The following KCNJ16 variants were observed in gnomAD, a reference collection of about 807,000 sequenced individuals.
KCNJ16 encodes inward rectifier potassium channel 16.
Under a neutral mutation model 18.5 loss-of-function variants are expected in KCNJ16, and 15 were observed. The ratio of observed to expected loss-of-function variants is 0.81; its 90% CI spans 0.54 to 1.25. The LOEUF (loss-of-function observed/expected upper bound fraction) is 1.25. KCNJ16 is among the 50% of genes most tolerant of loss of function. The pLI is 0.00. For synonymous variants in KCNJ16, 174 were observed against 186.5 expected (o/e 0.93, Z 0.55); for missense variants, 523 against 525.7 (o/e 0.99, Z 0.05).
chr17:70,130,250 C>T (rs1211996793), intron 2 of KCNJ16, among the ~76,000 whole-genome samples: 1 of 152,102 alleles, frequency 6.6e-6, no homozygotes, highest in African/African-American at 2.4e-5. Context: ...CAGATAGAAA[C>T]CTCCAAAGCA....
chr17:70,111,086 TCTC>T (rs893706641), intron 2 of KCNJ16, among the ~76,000 whole-genome samples: 31 of 152,102 alleles, frequency 2.0e-4, no homozygotes, highest in Middle Eastern at 3.4e-3. Context: ...TAGGATATAA[TCTC>T]CTCAATTCTA....
rs185025888 is a variant in KCNJ16, at chr17:70,082,152, T to G, written c.-300+6762T>G. On this transcript the variant is annotated intron_variant, in intron 1 of 3. Coordinates refer to ENST00000392671, the MANE Select transcript of KCNJ16 (RefSeq NM_170741.4). ...GGAGGACACTGACAGAAAAAACAACTGTGCCTGGGAGATCAAGGGAAGCTT... is the reference window on the plus strand; with the variant it reads ...GGAGGACACTGACAGAAAAAACAACGGTGCCTGGGAGATCAAGGGAAGCTT... Among the ~76,000 whole-genome samples, 209 of 152,268 alleles carry G rather than the reference T, an allele frequency of 1.4e-3. 1 individual carries two copies. The highest frequency in any genetic ancestry group is 3.4e-3 in the Middle Eastern group (1 of 294).
chr17:70,116,668 AG>A (rs201751277), intron 2 of KCNJ16, among the ~76,000 whole-genome samples: 235 of 152,312 alleles, frequency 1.5e-3, no homozygotes, highest in African/African-American at 5.3e-3. Flanking sequence ...ACTTTTCAAA[AG>A]AAGACATACA....
In KCNJ16 at chr17:70,132,910, A is replaced by C; in HGVS notation, c.823A>C (p.Asn275His). ...TGACCGCAAAGCAGTAGCCAAAGAT[A>C]ACTTTGAGATTTTGGTGACATTTAT... ...ALDRKAVAKD[N>H]FEILVTFIYT... is the part of the protein sequence containing the mutation. The change falls in exon 4 of 4, where the codon AAC becomes CAC. Residue 275 changes from asparagine to histidine, a missense_variant. Physicochemically the swap from Asn to His is moderately conservative, Grantham distance 68. Transcript: ENST00000392671. 2 of 1,614,192 alleles carry C rather than the reference A, an allele frequency of 1.2e-6. No homozygotes were observed. The highest frequency in any genetic ancestry group is 1.1e-5 in the South Asian group (1 of 91,086).
intron 2 of KCNJ16, among the ~76,000 whole-genome samples, chr17:70,128,403 C>A (rs1168005966): frequency 1.3e-5 from 2 of 152,024 alleles, no homozygotes; most frequent in African/African-American, 4.8e-5. Flanking sequence ...GGTTACTGAC[C>A]CTTCTAACTT....
rs1164479923 is a variant in KCNJ16 at position 70,133,256 on chromosome 17, C to T, written c.1169C>T (p.Thr390Ile). ...AGCTGTGAAAACCCTGAGGAGACCA[C>T]CACTTCCGCCACACATGAATATAGG... Reference protein sequence around the residue: ...VSSCENPEETTTSATHEYRET... With the variant: ...VSSCENPEETITSATHEYRET... The change falls in exon 4 of 4, where the codon ACC (threonine) becomes ATC (isoleucine). Residue 390 changes from threonine to isoleucine, a missense_variant. Physicochemically the swap from Thr to Ile is moderately conservative, Grantham distance 89. Transcript: ENST00000392671. 1.9e-6 allele frequency: 3 copies of T among 1,614,010 alleles called. No homozygotes were observed. In the African/African-American group the frequency reaches 4.0e-5, roughly 22 times the overall value.
intron 2 of KCNJ16, among the ~76,000 whole-genome samples, chr17:70,114,962 TC>T (rs2073345426): frequency 6.6e-6 from 1 of 152,204 alleles, no homozygotes; most frequent in Non-Finnish European, 1.5e-5. Flanking sequence ...AAACACAGCT[TC>T]TTTTTATCCT....
chr17:70,135,041 G>C lies in KCNJ16; in HGVS notation c.*1697G>C, dbSNP rs529498481. 2.5e-5 allele frequency: 3 copies of C among 118,502 alleles called. No individual in the cohort carries two copies. The highest frequency in any genetic ancestry group is 1.1e-4 in the African/African-American group (3 of 27,394). The allele number at this position is 118,502 out of a possible 1,614,324, so 7.3% of individuals were successfully genotyped here. On this transcript the variant is annotated 3_prime_UTR_variant, in exon 4 of 4. Coordinates refer to ENST00000392671, the MANE Select transcript of KCNJ16 (RefSeq NM_170741.4). ...TTTTTTTTGACCTGGGAGTAATAAA[G>C]TTACTTTTTAAATGCACGTATGCAA...
chr17:70,094,261 G>C (rs1365565318), intron 1 of KCNJ16, among the ~76,000 whole-genome samples: 1 of 152,202 alleles, frequency 6.6e-6, no homozygotes, highest in Non-Finnish European at 1.5e-5. Context: ...TAACCTTCAA[G>C]AATTGTCTCC....
At chr17:70,081,928 G>T (rs761397375) in intron 1 of KCNJ16, among the ~76,000 whole-genome samples, 1 of 152,116 alleles carries the variant, frequency 6.6e-6, no homozygotes, top group Admixed American at 6.6e-5. Context: ...TTTTAGACAT[G>T]AAAATAATAG....
intron 1 of KCNJ16, among the ~76,000 whole-genome samples, chr17:70,084,826 CTAATAA>C (rs745941247): frequency 2.6e-5 from 4 of 151,952 alleles, no homozygotes; most frequent in Admixed American, 6.6e-5. Flanking sequence ...TCCTTGATCA[CTAATAA>C]TAATAATAAT....
At chr17:70,081,428 T>G (rs910600708) in intron 1 of KCNJ16, among the ~76,000 whole-genome samples, 2 of 152,136 alleles carry the variant, frequency 1.3e-5, no homozygotes, top group Non-Finnish European at 2.9e-5. Flanking sequence ...AGTTAAAAGC[T>G]AAAGAAACAT....
Position 70,133,910 on chromosome 17 carries a change from G to C in KCNJ16, c.*566G>C, listed in dbSNP as rs2074149970. On this transcript the variant is annotated 3_prime_UTR_variant, in exon 4 of 4. Transcript: ENST00000392671. Reference sequence around the variant, plus strand: ...GTTTCAGCGAGCATAGCGAGTGGCTGTAAGAAATTGTCCATGCCACCAATT... The same window carrying C: ...GTTTCAGCGAGCATAGCGAGTGGCTCTAAGAAATTGTCCATGCCACCAATT... The C allele has an allele frequency of 6.0e-6, 1 of 167,374 alleles. No homozygotes were observed. Among genetic ancestry groups the C allele is most frequent in the African/African-American group, 2.4e-5 (1 of 41,468 alleles). The allele number at this position is 167,374 out of a possible 1,614,324, so 10.4% of individuals were successfully genotyped here.
chr17:70,132,849 C>T lies in KCNJ16; in HGVS notation c.762C>T (p.Val254=). The change falls in exon 4 of 4, where the codon GTC becomes GTT. Residue 254 remains valine, a synonymous_variant. Coordinates refer to ENST00000392671, the MANE Select transcript of KCNJ16 (RefSeq NM_170741.4). The part of the protein sequence containing the change: ...QIILVTPVTI[V]HEIDHESPLY... ...TCCTGGTCACCCCGGTAACTATTGT[C>T]CATGAAATTGACCATGAGAGCCCTC... 2 of 1,614,070 alleles carry T rather than the reference C, an allele frequency of 1.2e-6. No individual in the cohort carries two copies. The highest frequency in any genetic ancestry group is 1.7e-6 in the Non-Finnish European group (2 of 1,180,038).
In KCNJ16 at chr17:70,088,499, G is replaced by A. The variant is rs73998753; in HGVS notation, c.-299-12159G>A. 9.4e-3 allele frequency among the ~76,000 whole-genome samples: 1,434 copies of A among 152,314 alleles called. 24 individuals carry two copies. The highest frequency in any genetic ancestry group is 0.031 in the South Asian group (148 of 4,826). The stretch of plus-strand genomic sequence containing the variant: ...CCTGGCCTGGGGGTTGAGGACCCCT[G>A]TCTTAGGGATATTGGGGCAATGAAA... On this transcript the variant is annotated intron_variant, in intron 1 of 3. Coordinates refer to ENST00000392671, the MANE Select transcript of KCNJ16 (RefSeq NM_170741.4).
In KCNJ16 at chr17:70,092,553, GATAGATGATAGAT is replaced by G. The variant is rs1190292012; in HGVS notation, c.-299-8098_-299-8086del. ...AGACAGATAGATATAGATAGATATA[GATAGATGATAGAT>G]ATAGATAGATAGATAGATAGATAGA... On this transcript the variant is annotated intron_variant, in intron 1 of 3. Transcript: ENST00000392671. 1.0e-2 allele frequency among the ~76,000 whole-genome samples: 672 copies of G among 67,362 alleles called. 2 individuals carry two copies. The highest frequency in any genetic ancestry group is 0.03 in the Middle Eastern group (4 of 134). 44.2% of individuals were successfully genotyped at this position (67,362 alleles called of 152,430 possible).
chr17:70,125,851 G>C (rs894395493), intron 2 of KCNJ16, among the ~76,000 whole-genome samples: 35 of 151,978 alleles, frequency 2.3e-4, no homozygotes, highest in African/African-American at 8.2e-4. Flanking sequence ...AGAATTGCTT[G>C]AACCCGGGAG....
rs144535216 is a variant in KCNJ16 at position 70,131,209 on chromosome 17, AG to A, written c.-94+235del. 19 of 702,484 alleles carry A rather than the reference AG, an allele frequency of 2.7e-5. No homozygotes were observed. In the Admixed American group the frequency reaches 5.0e-4, roughly 19 times the overall value. 43.5% of individuals were successfully genotyped at this position (702,484 alleles called of 1,614,324 possible). On this transcript the variant is annotated intron_variant, in intron 3 of 3. Transcript: ENST00000392671. ...CTGCCAGTGTCAAAAAAAAAAAAAA[AG>A]AAAGAAAGAAAAGAAAAAAAAAAGG...
intron 1 of KCNJ16, chr17:70,096,993 G>C (rs7222352): frequency 0.84 from 333,897 of 397,050 alleles, 140,778 homozygotes; most frequent in East Asian, 0.94. Flanking sequence ...ATTCTCTTTT[G>C]AACCCTATTA....
Sources: gnomAD v4.1 joint callset for allele counts (sites outside exome capture counted in the v4.1 genomes callset) on GRCh38, gnomAD v4.1.1 for gene constraint, MANE v1.5 for transcripts, NCBI Gene and HGNC (gene_info 2026-07-23, HGNC 2026-07-21) for gene names.